Variants in PARP8 observed in about 807,000 individuals in gnomAD.
PARP8 encodes the protein poly(ADP-ribose) polymerase family member 8, also known as protein mono-ADP-ribosyltransferase PARP8.
A neutral mutation model predicts 124.1 loss-of-function variants in PARP8; 51 were observed. The observed-to-expected ratio is 0.41, with a 90% CI of 0.33 to 0.52. The LOEUF (loss-of-function observed/expected upper bound fraction) is 0.52. PARP8 is among the 20% of genes least tolerant of loss of function. The pLI is 0.21. For synonymous variants in PARP8, 391 were observed against 361.5 expected, an observed-to-expected ratio of 1.08 and a Z score of -0.93; for missense variants, 860 against 1,018.9, an observed-to-expected ratio of 0.84 and a Z score of 2.12.
chr5:50,695,219 TGTA>T (rs1752900666), intron 2 of PARP8, among the ~76,000 whole-genome samples: 1 of 152,134 alleles, frequency 6.6e-6, no homozygotes, highest in African/African-American at 2.4e-5. Context: ...AGCTCCCAAG[TGTA>T]GAAATGGAAT....
chr5:50,782,241 A>G (rs1740753097), intron 9 of PARP8, among the ~76,000 whole-genome samples: 1 of 152,168 alleles, frequency 6.6e-6, no homozygotes, highest in African/African-American at 2.4e-5. Context: ...TGTTTGTGCA[A>G]AATTTGCTGG....
In PARP8 at chr5:50,668,105, C is replaced by T. The variant is rs1244493905; in HGVS notation, c.126C>T (p.Thr42=). ...ACTCTGACTCCACCTTTACTTTTAC[C>T]TACGTTGGCGGCCCCAGAAGGTATT... The part of the protein sequence containing the change: ...FRYSDSTFTF[T]YVGGPRSVSY... Residue 42 remains threonine (T), a synonymous_variant, in exon 2 of 26, where the codon ACC becomes ACT. Coordinates refer to ENST00000281631, the MANE Select transcript of PARP8 (RefSeq NM_024615.4). The T allele has an allele frequency of 1.2e-6, 2 of 1,611,688 alleles. No individual in the cohort carries two copies. Among genetic ancestry groups the T allele is most frequent in the Admixed American group, 1.7e-5 (1 of 60,004 alleles).
At chr5:50,837,342 C>A (rs1747695220) in intron 25 of PARP8, among the ~76,000 whole-genome samples, 4 of 152,122 alleles carry the variant, frequency 2.6e-5, no homozygotes, top group African/African-American at 9.7e-5. Context: ...AATATGCATT[C>A]TAATTACAAC....
At chr5:50,819,604 C>G (rs1386522236) in intron 15 of PARP8, among the ~76,000 whole-genome samples, 4 of 151,910 alleles carry the variant, frequency 2.6e-5, no homozygotes, top group Non-Finnish European at 4.4e-5. Flanking sequence ...CCATGTCCAG[C>G]TAATTTTTGT....
intron 2 of PARP8, among the ~76,000 whole-genome samples, chr5:50,703,037 G>A (rs973764641): frequency 3.3e-5 from 5 of 151,926 alleles, no homozygotes; most frequent in South Asian, 4.2e-4. Context: ...GATGTGGCTC[G>A]TGCCTGTAAT....
chr5:50,805,515 C>T (rs537619461), intron 14 of PARP8, among the ~76,000 whole-genome samples: 4 of 152,190 alleles, frequency 2.6e-5, no homozygotes, highest in African/African-American at 7.2e-5. Context: ...TTCTCTCTGA[C>T]TTTAAAACTG....
At chr5:50,815,579 G>A (rs1292337222) in intron 15 of PARP8, 55 bp downstream of exon 15, 2 of 1,288,758 alleles carry the variant, frequency 1.6e-6, no homozygotes, top group East Asian at 2.6e-5. Context: ...ATTTGTTCCA[G>A]TCCACTAGTT....
At position 50,792,145 on chromosome 5, in the gene PARP8, T is replaced by C. The variant is rs551988562; in HGVS notation, c.738-2062T>C. 2.6e-5 allele frequency among the ~76,000 whole-genome samples: 4 copies of C among 152,288 alleles called. No individual in the cohort carries two copies. The South Asian group carries it at 8.3e-4, about 32-fold the overall frequency. ...TTACCTTGAAATTTTTTTCTTTTTT[T>C]CCCTACCATCAGCCAATCACTGGCA... On this transcript the variant is annotated intron_variant, in intron 10 of 25. Transcript: ENST00000281631.
chr5:50,776,764 T>C (rs1346249288), intron 7 of PARP8, among the ~76,000 whole-genome samples: 2 of 152,208 alleles, frequency 1.3e-5, no homozygotes, highest in Non-Finnish European at 2.9e-5. Flanking sequence ...ATTAAAAGTT[T>C]CTTCTCTGAA....
chr5:50,712,899 AT>A lies in PARP8; in HGVS notation c.147-37242del, dbSNP rs369837231. Among the ~76,000 whole-genome samples the A allele has an allele frequency of 2.3e-3, 342 of 146,066 alleles. 3 individuals carry two copies. Among genetic ancestry groups the A allele is most frequent in the African/African-American group, 7.2e-3 (284 of 39,640 alleles). Reference sequence around the variant, plus strand: ...GGCTTGATTTTATTGTGTTTAGGAGATTTTTTTTTTATTTATGTTAGTGGCA... The same window carrying A: ...GGCTTGATTTTATTGTGTTTAGGAGATTTTTTTTTATTTATGTTAGTGGCA... On this transcript the variant is annotated intron_variant, in intron 2 of 25. Coordinates refer to ENST00000281631, the MANE Select transcript of PARP8 (RefSeq NM_024615.4).
chr5:50,704,236 C>T (rs1479155977), intron 2 of PARP8, among the ~76,000 whole-genome samples: 1 of 152,032 alleles, frequency 6.6e-6, no homozygotes, highest in African/African-American at 2.4e-5. Context: ...CTTCTTGTGG[C>T]TAGCTCTTGT....
intron 7 of PARP8, among the ~76,000 whole-genome samples, chr5:50,773,584 G>A (rs969781047): frequency 1.3e-5 from 2 of 152,046 alleles, no homozygotes; most frequent in African/African-American, 4.8e-5. Context: ...GCTTTGTAAG[G>A]TAGTTTGATG....
intron 2 of PARP8, among the ~76,000 whole-genome samples, chr5:50,722,401 C>G (rs1441690762): frequency 1.3e-5 from 2 of 151,974 alleles, no homozygotes; most frequent in South Asian, 2.1e-4. Context: ...CCCAGCTTCC[C>G]TAGTAGTTTG....
chr5:50,766,883 G>GA lies in PARP8; in HGVS notation c.518+3649dup, dbSNP rs1012781655. 6.6e-5 allele frequency among the ~76,000 whole-genome samples: 10 copies of GA among 151,928 alleles called. No homozygotes were observed. In the East Asian group the frequency reaches 1.7e-3, roughly 26 times the overall value. ...AACAAAAATGGTAAATGAAAGGAAA[G>GA]AAAAAAAATGCATACCTCAGAATGC... On this transcript the variant is annotated intron_variant, in intron 7 of 25. Transcript: ENST00000281631.
At chr5:50,820,358 T>C (rs890345550) in intron 15 of PARP8, among the ~76,000 whole-genome samples, 1 of 152,202 alleles carries the variant, frequency 6.6e-6, no homozygotes, top group Non-Finnish European at 1.5e-5. Context: ...ACACTGTAGA[T>C]ATGTCTGTTC....
At chr5:50,683,379 C>T (rs970745187) in intron 2 of PARP8, among the ~76,000 whole-genome samples, 2 of 152,126 alleles carry the variant, frequency 1.3e-5, no homozygotes, top group Admixed American at 1.3e-4. Context: ...TCTCATCATT[C>T]ATTCCTTATT....
chr5:50,795,562 G>A, intron 12 of PARP8, 145 bp downstream of exon 12: 1 of 652,756 alleles, frequency 1.5e-6, no homozygotes, highest in East Asian at 3.0e-5. Flanking sequence ...ATATTGTTTT[G>A]CATCCCATAC....
At chr5:50,823,025 G>A (rs1276215807) in intron 17 of PARP8, among the ~76,000 whole-genome samples, 2 of 152,230 alleles carry the variant, frequency 1.3e-5, no homozygotes, top group East Asian at 3.8e-4. Flanking sequence ...TTGGAGAGAG[G>A]TTTAAAACTT....
intron 2 of PARP8, among the ~76,000 whole-genome samples, chr5:50,687,640 C>T (rs1042504185): frequency 3.3e-5 from 5 of 152,160 alleles, no homozygotes; most frequent in Non-Finnish European, 5.9e-5. Context: ...TACAGTTTCA[C>T]GTGGCTAGGG....
Sources: gnomAD v4.1 joint callset for allele counts (sites outside exome capture counted in the v4.1 genomes callset) on GRCh38, gnomAD v4.1.1 for gene constraint, MANE v1.5 for transcripts, NCBI Gene and HGNC (gene_info 2026-07-23, HGNC 2026-07-21) for gene names.